The following KIAA1549L variants were observed in gnomAD, a reference collection of about 807,000 sequenced individuals.
KIAA1549L encodes KIAA1549 like, also known as UPF0606 protein KIAA1549L.
A neutral mutation model predicts 160.7 loss-of-function variants in KIAA1549L; 88 were observed. The ratio of observed to expected loss-of-function variants is 0.55; its 90% CI spans 0.46 to 0.65. The LOEUF is 0.65. Ranked by LOEUF, KIAA1549L falls within the 30% of genes least tolerant of loss-of-function variation. The pLI, the probability that KIAA1549L is intolerant of heterozygous loss-of-function variation, is 0.00. For missense variants in KIAA1549L, 2,258 were observed against 2,437.5 expected (o/e 0.93, Z 1.55); for synonymous variants, 950 against 976.7 (o/e 0.97, Z 0.51).
intron 16 of KIAA1549L, among the ~76,000 whole-genome samples, chr11:33,636,015 G>A (rs772261677): frequency 3.9e-5 from 6 of 152,126 alleles, no homozygotes; most frequent in Non-Finnish European, 7.3e-5. Flanking sequence ...GAAGTCTGAC[G>A]CCATCCCACT....
At chr11:33,575,245 G>A (rs1590359084) in intron 10 of KIAA1549L, among the ~76,000 whole-genome samples, 2 of 152,252 alleles carry the variant, frequency 1.3e-5, no homozygotes, top group South Asian at 4.1e-4. Flanking sequence ...GCTGGAGGAT[G>A]TATGGAAGTG....
intron 1 of KIAA1549L, among the ~76,000 whole-genome samples, chr11:33,462,538 A>G (rs1316385730): frequency 6.6e-6 from 1 of 152,158 alleles, no homozygotes; most frequent in East Asian, 1.9e-4. Flanking sequence ...TATCTTTATT[A>G]TCAATCTATG....
chr11:33,630,836 A>G (rs386486147), intron 16 of KIAA1549L, among the ~76,000 whole-genome samples: 127 of 152,336 alleles, frequency 8.3e-4, no homozygotes, highest in Non-Finnish European at 1.5e-3. Flanking sequence ...GCTTTTCTCT[A>G]CATGATTTTT....
chr11:33,585,513 C>T (rs952004243), intron 11 of KIAA1549L, among the ~76,000 whole-genome samples: 3 of 151,662 alleles, frequency 2.0e-5, no homozygotes, highest in Non-Finnish European at 4.4e-5. Context: ...AGCAAAACTC[C>T]GTCTCAAAAA....
intron 12 of KIAA1549L, 117 bp downstream of exon 12, chr11:33,591,538 C>T: frequency 1.3e-6 from 1 of 788,072 alleles, no homozygotes; most frequent in South Asian, 2.0e-5. Flanking sequence ...CCTTCATGCT[C>T]ATTTTGAATA....
chr11:33,599,609 T>G (rs1850301105), intron 13 of KIAA1549L: 2 of 152,250 alleles, frequency 1.3e-5, no homozygotes, highest in Admixed American at 6.5e-5. Context: ...CTGTAAGGAT[T>G]GGCGTTGGGG....
chr11:33,522,584 C>T (rs556206546), intron 1 of KIAA1549L, among the ~76,000 whole-genome samples: 1 of 152,078 alleles, frequency 6.6e-6, no homozygotes, highest in Non-Finnish European at 1.5e-5. Flanking sequence ...CCTAAATTAA[C>T]TTAGTGCCCC....
At chr11:33,509,271 C>T (rs953826768) in intron 1 of KIAA1549L, among the ~76,000 whole-genome samples, 15 of 152,228 alleles carry the variant, frequency 9.9e-5, no homozygotes, top group African/African-American at 3.4e-4. Flanking sequence ...ACACCAAAGA[C>T]ATTTCTAGAC....
intron 1 of KIAA1549L, among the ~76,000 whole-genome samples, chr11:33,487,926 A>G (rs111326542): frequency 0.017 from 2,556 of 152,292 alleles, 59 homozygotes; most frequent in African/African-American, 0.057. Context: ...AGCTTTTTAA[A>G]AATTCTTTTG....
rs1565187559 is a variant in KIAA1549L at position 33,561,741 on chromosome 11, C to T, written c.4078+6C>T. On this transcript the variant is annotated splice_donor_region_variant and intron_variant, in intron 8 of 20. Coordinates refer to ENST00000658780, the MANE Select transcript of KIAA1549L (RefSeq NM_012194.3). ...AGACTATTGGGTAATTACAGGTAAT[C>T]TCTTATTTTGTAATTTCCCCTCTTC... 6.3e-7 allele frequency: 1 copy of T among 1,589,990 alleles called. No homozygotes were observed.
intron 16 of KIAA1549L, among the ~76,000 whole-genome samples, chr11:33,630,764 G>A (rs907868522): frequency 1.3e-5 from 2 of 152,208 alleles, no homozygotes; most frequent in East Asian, 1.9e-4. Context: ...GCTGGGAGCT[G>A]TAGACCGGAG....
chr11:33,656,134 G>T (rs1235473289), intron 18 of KIAA1549L, 25 bp downstream of exon 18: 2 of 1,578,644 alleles, frequency 1.3e-6, no homozygotes, highest in Non-Finnish European at 1.7e-6. Flanking sequence ...TCTTTGTTTT[G>T]TTTGGAATAT....
At chr11:33,500,790 G>A (rs1852928966) in intron 1 of KIAA1549L, among the ~76,000 whole-genome samples, 2 of 151,930 alleles carry the variant, frequency 1.3e-5, no homozygotes, top group Non-Finnish European at 2.9e-5. Context: ...TACAAATGTT[G>A]TATATGAATA....
At chr11:33,447,513 T>A (rs1851637432) in intron 1 of KIAA1549L, among the ~76,000 whole-genome samples, 1 of 89,966 alleles carries the variant, frequency 1.1e-5, no homozygotes, top group Non-Finnish European at 2.0e-5. Flanking sequence ...TACCTACCCA[T>A]CCATCCTTCC....
chr11:33,511,997 AG>A (rs1853237639), intron 1 of KIAA1549L, among the ~76,000 whole-genome samples: 1 of 152,334 alleles, frequency 6.6e-6, no homozygotes, highest in Admixed American at 6.5e-5. Context: ...GCTTCCTTAG[AG>A]TAAGAAATTT....
In KIAA1549L at chr11:33,570,226, A is replaced by G. The variant is rs568853446; in HGVS notation, c.4230+1999A>G. Among the ~76,000 whole-genome samples, 9 of 151,630 alleles carry G rather than the reference A, an allele frequency of 5.9e-5. No homozygotes were observed. The East Asian group carries it at 1.6e-3, about 26-fold the overall frequency. ...ACCATGTTGTTCAGGCTGGTCTCAAACTCCTGACCTCATGATCCACCCACC... is the reference window on the plus strand; with the variant it reads ...ACCATGTTGTTCAGGCTGGTCTCAAGCTCCTGACCTCATGATCCACCCACC... On this transcript the variant is annotated intron_variant, in intron 9 of 20. Coordinates refer to ENST00000658780, the MANE Select transcript of KIAA1549L (RefSeq NM_012194.3).
In KIAA1549L at chr11:33,465,792, T is replaced by C. The variant is rs931114811; in HGVS notation, c.239-76010T>C. Reference sequence around the variant, plus strand: ...GTGCCGGGAAAACTGGCTAGCCATATGTAGAAAGCTGAAACTGGATCCCTT... The same window carrying C: ...GTGCCGGGAAAACTGGCTAGCCATACGTAGAAAGCTGAAACTGGATCCCTT... On this transcript the variant is annotated intron_variant, in intron 1 of 20. Coordinates refer to ENST00000658780, the MANE Select transcript of KIAA1549L (RefSeq NM_012194.3). 3.9e-5 allele frequency among the ~76,000 whole-genome samples: 6 copies of C among 152,194 alleles called. No individual in the cohort carries two copies. In the East Asian group the frequency reaches 9.6e-4, roughly 24 times the overall value.
At chr11:33,615,919 T>G (rs1283754597) in intron 15 of KIAA1549L, among the ~76,000 whole-genome samples, 1 of 152,154 alleles carries the variant, frequency 6.6e-6, no homozygotes, top group Non-Finnish European at 1.5e-5. Context: ...TCCTCTCGAG[T>G]CTGCAGAAGG....
intron 18 of KIAA1549L, among the ~76,000 whole-genome samples, chr11:33,658,138 A>G (rs2133439640): frequency 6.6e-6 from 1 of 152,328 alleles, no homozygotes. Flanking sequence ...CTGAGCACTA[A>G]GTGGAAATAG....
Sources: allele counts gnomAD v4.1 joint callset (sites outside exome capture counted in the v4.1 genomes callset), GRCh38; gene constraint gnomAD v4.1.1; transcripts MANE v1.5; gene names NCBI Gene and HGNC (gene_info 2026-07-23, HGNC 2026-07-21).